The following VWA3B variants were observed in gnomAD, a reference collection of about 807,000 sequenced individuals.
VWA3B encodes von Willebrand factor A domain-containing protein 3B.
Under a neutral mutation model 158.3 loss-of-function variants are expected in VWA3B, and 138 were observed. The ratio of observed to expected loss-of-function variants is 0.87; its 90% confidence interval spans 0.76 to 1.00. VWA3B has a LOEUF of 1.00. Ranked by LOEUF, VWA3B falls within the 50% of genes least tolerant of loss-of-function variation. The pLI, the probability that VWA3B is intolerant of heterozygous loss-of-function variation, is 0.00. For missense variants in VWA3B, 1,555 were observed against 1,565.1 expected (o/e 0.99, Z 0.11); for synonymous variants, 596 against 587.3 (o/e 1.01, Z -0.21).
chr2:98,277,163 C>T (rs770472970), intron 22 of VWA3B, among the ~76,000 whole-genome samples: 2 of 152,166 alleles, frequency 1.3e-5, no homozygotes, highest in Admixed American at 6.5e-5. Context: ...CCACAGGCTT[C>T]GTGGTGTCCC....
At chr2:98,311,341 A>T (rs192126258) in intron 26 of VWA3B, among the ~76,000 whole-genome samples, 28 of 152,336 alleles carry the variant, frequency 1.8e-4, no homozygotes, top group Admixed American at 4.6e-4. Flanking sequence ...GTTCAATGTC[A>T]TTACAAATCA....
At chr2:98,254,442 G>A (rs971824936) in intron 20 of VWA3B, among the ~76,000 whole-genome samples, 17 of 152,210 alleles carry the variant, frequency 1.1e-4, no homozygotes, top group East Asian at 3.9e-4. Context: ...CCTAAAATGC[G>A]TACTATAAAT....
intron 14 of VWA3B, among the ~76,000 whole-genome samples, chr2:98,225,692 C>T (rs1684868779): frequency 6.8e-6 from 1 of 147,918 alleles, no homozygotes; most frequent in Non-Finnish European, 1.5e-5. Context: ...CATAGAAAAC[C>T]CCAGGAGATC....
In VWA3B at chr2:98,238,978, T is replaced by C. The variant is rs574928377; in HGVS notation, c.2673+2248T>C. Among the ~76,000 whole-genome samples, 16 of 152,230 alleles carry C rather than the reference T, an allele frequency of 1.1e-4. No homozygotes were observed. In the South Asian group the frequency reaches 1.7e-3, roughly 16 times the overall value. ...AAATATATGCCTTAAAAAATGCAAA[T>C]TGATAATCAATTAGACACCACCTCC... On this transcript the variant is annotated intron_variant, in intron 19 of 27. Transcript: ENST00000477737.
At chr2:98,285,804 A>G (rs943721824) in intron 22 of VWA3B, among the ~76,000 whole-genome samples, 3 of 152,070 alleles carry the variant, frequency 2.0e-5, no homozygotes, top group African/African-American at 7.2e-5. Context: ...AAATCCAAAA[A>G]CAAGCAAACA....
chr2:98,135,805 C>T (rs895075418), intron 7 of VWA3B, among the ~76,000 whole-genome samples: 7 of 152,196 alleles, frequency 4.6e-5, no homozygotes, highest in Non-Finnish European at 8.8e-5. Context: ...CTACCTCTCC[C>T]AAACTGCCCA....
At chr2:98,280,333 C>T (rs1412372832) in intron 22 of VWA3B, among the ~76,000 whole-genome samples, 1 of 151,902 alleles carries the variant, frequency 6.6e-6, no homozygotes, top group East Asian at 1.9e-4. Flanking sequence ...GATTCCTTTG[C>T]TGCCACAAAG....
intron 20 of VWA3B, among the ~76,000 whole-genome samples, chr2:98,251,564 C>A (rs72817785): frequency 0.13 from 20,406 of 152,158 alleles, 2,091 homozygotes; most frequent in Non-Finnish European, 0.2. Flanking sequence ...TTGGCTTCTG[C>A]AGGCCAGCCT....
chr2:98,297,231 G>C (rs1689862581), intron 23 of VWA3B, among the ~76,000 whole-genome samples: 1 of 152,056 alleles, frequency 6.6e-6, no homozygotes, highest in Non-Finnish European at 1.5e-5. Context: ...ACAGGCGTGT[G>C]CCACCATGCC....
chr2:98,253,179 A>G (rs1244869226), intron 20 of VWA3B, among the ~76,000 whole-genome samples: 1 of 152,108 alleles, frequency 6.6e-6, no homozygotes, highest in East Asian at 1.9e-4. Flanking sequence ...CATTTTTCTC[A>G]AGATAGTCAG....
chr2:98,173,341 T>C (rs1679751555), intron 8 of VWA3B, among the ~76,000 whole-genome samples: 1 of 152,216 alleles, frequency 6.6e-6, no homozygotes. Context: ...TAGAGCTCTG[T>C]GTAGAGTCAA....
chr2:98,220,180 A>G (rs1317452739), intron 14 of VWA3B, among the ~76,000 whole-genome samples: 2 of 151,396 alleles, frequency 1.3e-5, no homozygotes, highest in African/African-American at 4.8e-5. Flanking sequence ...AAAAAAAAAA[A>G]AAAAAAAGAT....
At chr2:98,100,486 AGCCCATGGCGGCTGAG>A (rs1683006375) in intron 2 of VWA3B, among the ~76,000 whole-genome samples, 2 of 152,366 alleles carry the variant, frequency 1.3e-5, no homozygotes, top group South Asian at 2.1e-4. Flanking sequence ...GCACAACTAA[AGCCCATGGCGGCTGAG>A]GCCTGCCTGT....
intron 9 of VWA3B, among the ~76,000 whole-genome samples, chr2:98,186,732 G>T (rs927446627): frequency 6.6e-6 from 1 of 151,832 alleles, no homozygotes. Flanking sequence ...GCAACTCCAT[G>T]ACCTTCTGGC....
chr2:98,149,355 G>T (rs1339407634), intron 7 of VWA3B, among the ~76,000 whole-genome samples: 1 of 152,138 alleles, frequency 6.6e-6, no homozygotes, highest in African/African-American at 2.4e-5. Flanking sequence ...TATTGAAAAC[G>T]AAAGTACCCT....
chr2:98,110,714 A>C (rs1256591579), intron 2 of VWA3B, among the ~76,000 whole-genome samples: 1 of 152,206 alleles, frequency 6.6e-6, no homozygotes, highest in African/African-American at 2.4e-5. Context: ...CCCAATAAGC[A>C]ATATTTCATC....
intron 9 of VWA3B, among the ~76,000 whole-genome samples, chr2:98,186,144 G>T (rs1681020354): frequency 6.9e-6 from 1 of 144,424 alleles, no homozygotes. Flanking sequence ...TGATCTAGTT[G>T]GTCACTTCCT....
At chr2:98,217,111 C>T in intron 13 of VWA3B, 1 of 560,570 alleles carries the variant, frequency 1.8e-6, no homozygotes, top group Non-Finnish European at 2.7e-6. Flanking sequence ...GAGCTCCATC[C>T]CTGCAATGGG....
At chr2:98,115,794 A>G (rs1349274366) in intron 3 of VWA3B, 48 bp downstream of exon 3, 1 of 1,480,880 alleles carries the variant, frequency 6.8e-7, no homozygotes, top group Non-Finnish European at 9.4e-7. Context: ...TGGTGCTGAC[A>G]TCACATCGGA....
Sources: gnomAD v4.1 joint callset for allele counts (sites outside exome capture counted in the v4.1 genomes callset) on GRCh38, gnomAD v4.1.1 for gene constraint, MANE v1.5 for transcripts, NCBI Gene and HGNC (gene_info 2026-07-23, HGNC 2026-07-21) for gene names.